STAG1: variants seen among roughly 807,000 people sequenced by gnomAD.
STAG1 encodes the protein STAG1 cohesin complex component, also known as cohesin subunit SA-1.
A neutral mutation model predicts 170.9 loss-of-function variants in STAG1; 26 were observed. That is an observed-to-expected ratio of 0.15 (90% CI 0.11 to 0.21). The LOEUF is 0.21. Among genes scored for constraint, STAG1 ranks in the 10% least tolerant of loss-of-function variants. The pLI is 1.00. For synonymous variants in STAG1, 514 were observed against 497.7 expected (o/e 1.03, Z -0.44); for missense variants, 964 against 1,509.5 (o/e 0.64, Z 5.99).
chr3:136,468,821 G>C (rs552658138), intron 12 of STAG1, among the ~76,000 whole-genome samples: 4 of 152,142 alleles, frequency 2.6e-5, no homozygotes, highest in Non-Finnish European at 4.4e-5. Flanking sequence ...GGGATGCAAG[G>C]CTGGTTCAAT....
intron 14 of STAG1, among the ~76,000 whole-genome samples, chr3:136,447,542 T>C (rs1305579283): frequency 6.6e-6 from 1 of 151,898 alleles, no homozygotes; most frequent in Non-Finnish European, 1.5e-5. Context: ...TGGGTTGTTC[T>C]TGTTGTTTTG....
At chr3:136,598,131 G>GTTTT (rs1380682147) in intron 4 of STAG1, among the ~76,000 whole-genome samples, 1 of 152,050 alleles carries the variant, frequency 6.6e-6, no homozygotes, top group East Asian at 1.9e-4. Context: ...GTATTCCTAA[G>GTTTT]ATAAAACCTT....
At chr3:136,724,064 G>T (rs1933506974) in intron 1 of STAG1, among the ~76,000 whole-genome samples, 1 of 151,432 alleles carries the variant, frequency 6.6e-6, no homozygotes, top group South Asian at 2.1e-4. Context: ...GGGAAGTGAG[G>T]AGCCCCTCTG....
chr3:136,393,221 T>C (rs1363845610), intron 22 of STAG1, among the ~76,000 whole-genome samples: 2 of 152,164 alleles, frequency 1.3e-5, no homozygotes, highest in Non-Finnish European at 2.9e-5. Context: ...GTATCTACCA[T>C]ACTACATTTA....
At chr3:136,545,376 T>G (rs1385873924) in intron 5 of STAG1, among the ~76,000 whole-genome samples, 1 of 152,192 alleles carries the variant, frequency 6.6e-6, no homozygotes, top group Non-Finnish European at 1.5e-5. Flanking sequence ...CCATTTTTAG[T>G]TTCATTTTTA....
intron 1 of STAG1, among the ~76,000 whole-genome samples, chr3:136,714,947 ATATATATATATATATATTT>A (rs1943484421): frequency 1.3e-5 from 1 of 76,804 alleles, no homozygotes; most frequent in South Asian, 4.0e-4. Context: ...AAATATATAT[ATATATATATATATATATTT>A]TATATATATA....
chr3:136,751,759 C>T (rs982355151), intron 1 of STAG1, among the ~76,000 whole-genome samples: 1 of 151,810 alleles, frequency 6.6e-6, no homozygotes, highest in East Asian at 1.9e-4. Context: ...TCGCGCCAGC[C>T]CGCGTCGGCC....
At chr3:136,478,142 G>C (rs1173625022) in intron 9 of STAG1, among the ~76,000 whole-genome samples, 1 of 152,094 alleles carries the variant, frequency 6.6e-6, no homozygotes, top group Non-Finnish European at 1.5e-5. Flanking sequence ...AAAAGAAAAA[G>C]CCCACTTTAT....
intron 23 of STAG1, among the ~76,000 whole-genome samples, chr3:136,371,113 T>C (rs1329443946): frequency 2.0e-5 from 3 of 152,252 alleles, no homozygotes; most frequent in Non-Finnish European, 2.9e-5. Flanking sequence ...TGGCCAGTGA[T>C]GATGAGCATT....
chr3:136,424,700 G>T (rs2088062878), intron 16 of STAG1, among the ~76,000 whole-genome samples: 1 of 151,952 alleles, frequency 6.6e-6, no homozygotes, highest in Non-Finnish European at 1.5e-5. Flanking sequence ...CCTCTGAGGG[G>T]ATAACAAAAA....
At chr3:136,377,834 G>T (rs1937690661) in intron 22 of STAG1, 82 bp from the exon 23 acceptor site, 22 of 1,142,264 alleles carry the variant, frequency 1.9e-5, no homozygotes, top group Non-Finnish European at 2.8e-5. Flanking sequence ...GTGGAAAATA[G>T]CAAAACTGGT....
chr3:136,660,629 T>C (rs1189006237), intron 1 of STAG1, among the ~76,000 whole-genome samples: 2 of 152,182 alleles, frequency 1.3e-5, no homozygotes, highest in East Asian at 1.9e-4. Flanking sequence ...TCCTGTTTCA[T>C]ACACATTCTA....
intron 21 of STAG1, among the ~76,000 whole-genome samples, chr3:136,403,572 T>C (rs939641961): frequency 6.6e-6 from 1 of 152,124 alleles, no homozygotes; most frequent in African/African-American, 2.4e-5. Flanking sequence ...GATTTGAATT[T>C]GAAACAACCC....
chr3:136,498,233 T>TATATATATATATATATATATATATAC lies in STAG1; in HGVS notation c.902+1989_902+1990insGTATATATATATATATATATATATAT. Among the ~76,000 whole-genome samples the TATATATATATATATATATATATATAC allele has an allele frequency of 4.7e-3, 270 of 57,302 alleles. 21 individuals are homozygous for TATATATATATATATATATATATATAC. Among genetic ancestry groups the TATATATATATATATATATATATATAC allele is most frequent in the East Asian group, 0.015 (7 of 460 alleles). 37.6% of individuals were successfully genotyped at this position (57,302 alleles called of 152,430 possible). On this transcript the variant is annotated intron_variant, in intron 9 of 33. Transcript: ENST00000383202. ...AATTATATATATATATATATATATA[T>TATATATATATATATATATATATATAC]ACACATACATATACATACACACACA...
rs180946953 is a variant in STAG1 at position 136,623,940 on chromosome 3, A to C, written c.30-692T>G. Among the ~76,000 whole-genome samples the C allele has an allele frequency of 6.3e-4, 96 of 152,194 alleles. 1 individual carries two copies. The highest frequency in any genetic ancestry group is 2.3e-3 in the African/African-American group (94 of 41,546). On this transcript the variant is annotated intron_variant, in intron 2 of 33. Transcript: ENST00000383202. ...ACTCCAGCCTGGGCAACAGGGCAAT[A>C]CTCTGTCTGAAAACAAAATAAACCA...
Position 136,734,073 on chromosome 3 carries a change from C to T in STAG1, c.-84+18122G>A, listed in dbSNP as rs989408719. ...AGTGAGCCAAGATTGTGCCACTGCA[C>T]TCCAGCCTGGGAGACAGTGCGAGAG... On this transcript the variant is annotated intron_variant, in intron 1 of 33. Coordinates refer to ENST00000383202, the MANE Select transcript of STAG1 (RefSeq NM_005862.3). Among the ~76,000 whole-genome samples the T allele has an allele frequency of 3.3e-5, 5 of 149,754 alleles. No homozygotes were observed. The South Asian group carries it at 1.1e-3, about 32-fold the overall frequency.
chr3:136,523,953 C>A (rs187202989), intron 6 of STAG1, among the ~76,000 whole-genome samples: 2 of 147,660 alleles, frequency 1.4e-5, no homozygotes, highest in East Asian at 2.0e-4. Context: ...CATAGGTCTA[C>A]ATCTCTGTTT....
At chr3:136,740,857 T>C (rs951513256) in intron 1 of STAG1, among the ~76,000 whole-genome samples, 1 of 152,164 alleles carries the variant, frequency 6.6e-6, no homozygotes, top group African/African-American at 2.4e-5. Flanking sequence ...GTAATCTAAT[T>C]TGGTGATAAC....
intron 15 of STAG1, among the ~76,000 whole-genome samples, 155 bp downstream of exon 15, chr3:136,443,132 C>T (rs2088680308): frequency 1.3e-5 from 2 of 152,142 alleles, no homozygotes; most frequent in Admixed American, 6.5e-5. Flanking sequence ...AAACGATTGA[C>T]ACATCCTTAC....
Sources: allele counts gnomAD v4.1 joint callset (sites outside exome capture counted in the v4.1 genomes callset), GRCh38; gene constraint gnomAD v4.1.1; transcripts MANE v1.5; gene names NCBI Gene and HGNC (gene_info 2026-07-23, HGNC 2026-07-21).